ZNF208: variants seen among roughly 807,000 people sequenced by gnomAD.
The protein encoded by ZNF208 is zinc finger protein 208, also known as zinc finger protein 95.
ZNF208 carries 10 observed loss-of-function variants against 12.1 expected under a neutral mutation model. The ratio of observed to expected loss-of-function variants is 0.83; its 90% CI spans 0.51 to 1.40. The LOEUF is 1.40. Ranked by LOEUF, ZNF208 falls within the 40% of genes most tolerant of loss-of-function variation. The probability of loss-of-function intolerance (pLI) is 0.00; values close to 1 mark genes in which losing one functional copy is unlikely to be tolerated. For synonymous variants in ZNF208, 497 were observed against 488.4 expected (o/e 1.02, Z -0.23); for missense variants, 1,652 against 1,485.0 (o/e 1.11, Z -1.85).
intron 1 of ZNF208, among the ~76,000 whole-genome samples, chr19:22,010,095 G>C (rs1009496661): frequency 1.3e-4 from 19 of 151,966 alleles, no homozygotes; most frequent in African/African-American, 4.6e-4. Context: ...TGAGGCAGTG[G>C]AATGGCGTCA....
rs1166226861 is a variant in ZNF208 at position 21,973,612 on chromosome 19, A to G, written c.1422T>C (p.Ile474=). The change falls in exon 4 of 4, where the codon ATT becomes ATC. Residue 474 remains isoleucine, a synonymous_variant. Coordinates refer to ENST00000397126, the MANE Select transcript of ZNF208 (RefSeq NM_007153.3). The part of the protein sequence containing the change: ...MFSILTKHKV[I]HNGEKPYKCE... ...ATTTGTAGGGTTTCTCTCCATTATG[A>G]ATTACCTTATGTTTAGTAAGGATTG... 1 of 1,613,558 alleles carries G rather than the reference A, an allele frequency of 6.2e-7. No homozygotes were observed. Among genetic ancestry groups the G allele is most frequent in the Non-Finnish European group, 8.5e-7 (1 of 1,179,770 alleles).
chr19:22,003,741 A>G (rs543773933), intron 1 of ZNF208, among the ~76,000 whole-genome samples: 1 of 152,288 alleles, frequency 6.6e-6, no homozygotes, highest in African/African-American at 2.4e-5. Flanking sequence ...TAACCTCACA[A>G]TTGGGTATAT....
At position 21,975,851 on chromosome 19, in the gene ZNF208, A is replaced by AAAAAAAAAAAAAAAAAAAAAAAAG. The variant is rs377638519; in HGVS notation, c.227-1045_227-1044insCTTTTTTTTTTTTTTTTTTTTTTT. On this transcript the variant is annotated intron_variant, in intron 3 of 3. Transcript: ENST00000397126. ...AAAAAAAAAAAAAAAAAAAAAAAAA[A>AAAAAAAAAAAAAAAAAAAAAAAAG]GCTATCAAGTGAGAATAATACCATC... 4.4e-5 allele frequency among the ~76,000 whole-genome samples: 4 copies of AAAAAAAAAAAAAAAAAAAAAAAAG among 91,870 alleles called. 1 individual carries two copies. The highest frequency in any genetic ancestry group is 1.8e-4 in the African/African-American group (4 of 21,954). The allele number at this position is 91,870 out of a possible 152,430, so 60.3% of individuals were successfully genotyped here.
At chr19:21,965,995 G>A (rs1285648944), downstream of ZNF208, 1 of 151,782 alleles carries the variant, frequency 6.6e-6, no homozygotes, top group Non-Finnish European at 1.5e-5. Context: ...GAGGAGACCT[G>A]GTATAGAAAC....
intron 3 of ZNF208, among the ~76,000 whole-genome samples, chr19:21,980,877 G>T (rs959813704): frequency 1.4e-4 from 21 of 152,108 alleles, no homozygotes; most frequent in African/African-American, 5.1e-4. Flanking sequence ...TAATAAAGGG[G>T]ACATCACCAC....
At position 21,970,179 on chromosome 19, in the gene ZNF208, G is replaced by A. The variant is rs1392933862; in HGVS notation, c.*1012C>T. Among the ~76,000 whole-genome samples the A allele has an allele frequency of 6.6e-6, 1 of 152,114 alleles. No homozygotes were observed. The highest frequency in any genetic ancestry group is 1.5e-5 in the Non-Finnish European group (1 of 68,004). ...CCAAAAGCATTGTCACATCTTTCAG[G>A]TTTGTAGAGTCTCTCTTGTGTATGA... On this transcript the variant is annotated 3_prime_UTR_variant, in exon 4 of 4. Coordinates refer to ENST00000397126, the MANE Select transcript of ZNF208 (RefSeq NM_007153.3).
chr19:21,956,259 C>T (rs1032026248), intron 4 of ZNF208, among the ~76,000 whole-genome samples: 3 of 152,232 alleles, frequency 2.0e-5, no homozygotes, highest in Non-Finnish European at 4.4e-5. Context: ...TGGGAGGTGT[C>T]TCCCAGTTAG....
rs375118705 is a variant in ZNF208, at chr19:21,988,847, G to A, written c.66C>T (p.Asp22=). Residue 22 remains aspartate (D), a synonymous_variant, in exon 2 of 4, where the codon GAC becomes GAT. Transcript: ENST00000397126. ...EFSLEEWQCL[D]TAQQNLYRNV... is the part of the protein sequence containing the mutation. Reference sequence around the variant, plus strand: ...TTCTATATAAATTCTGCTGTGCAGTGTCCAGGCATTGCCACTCCTCCAGAG... The same window carrying A: ...TTCTATATAAATTCTGCTGTGCAGTATCCAGGCATTGCCACTCCTCCAGAG... The A allele has an allele frequency of 1.2e-5, 20 of 1,614,126 alleles. No homozygotes were observed. Among genetic ancestry groups the A allele is most frequent in the Admixed American group, 1.0e-4 (6 of 60,026 alleles).
chr19:21,996,379 G>GAT (rs1413475460), intron 1 of ZNF208, among the ~76,000 whole-genome samples: 1 of 152,118 alleles, frequency 6.6e-6, no homozygotes, highest in African/African-American at 2.4e-5. Flanking sequence ...TAAGGTTAAG[G>GAT]ATATGGAATA....
At position 21,972,322 on chromosome 19, in the gene ZNF208, A is replaced by G. The variant is rs1335632993; in HGVS notation, c.2712T>C (p.Leu904=). 6.2e-7 allele frequency: 1 copy of G among 1,613,562 alleles called. No homozygotes were observed. The change falls in exon 4 of 4, where the codon CTT becomes CTC. Residue 904 remains leucine (L), a synonymous_variant. Transcript: ENST00000397126. ...CAGTATGAATTACCTCATGTTTAGT[A>G]AGGATGGAGAACATACTAAAACCTT... ...CGKGFSMFSI[L]TKHEVIHTGE...
chr19:21,988,728 A>G lies in ZNF208; in HGVS notation c.130+55T>C, dbSNP rs910331869. ...CGTTGTTCAGTCCAATAAGGTCTGC[A>G]GCAAAATGAAACCTGTAGTGTATAC... is the stretch of plus-strand genomic sequence containing the variant. On this transcript the variant is annotated intron_variant, in intron 2 of 3. Coordinates refer to ENST00000397126, the MANE Select transcript of ZNF208 (RefSeq NM_007153.3). 3 of 1,613,198 alleles carry G rather than the reference A, an allele frequency of 1.9e-6. No homozygotes were observed. In the African/African-American group the frequency reaches 4.0e-5, roughly 22 times the overall value.
At chr19:21,948,312 T>G (rs1969842798) in intron 4 of ZNF208, among the ~76,000 whole-genome samples, 1 of 152,186 alleles carries the variant, frequency 6.6e-6, no homozygotes, top group Non-Finnish European at 1.5e-5. Flanking sequence ...ATTTCAACAC[T>G]ACCCAACAAA....
intron 4 of ZNF208, among the ~76,000 whole-genome samples, chr19:21,944,353 T>C (rs1969785851): frequency 1.3e-5 from 2 of 152,178 alleles, no homozygotes; most frequent in African/African-American, 4.8e-5. Flanking sequence ...ACAGTAGTTG[T>C]CAAAATCATA....
chr19:21,991,837 G>GT (rs1970742669), intron 1 of ZNF208: 1 of 151,706 alleles, frequency 6.6e-6, no homozygotes, highest in Non-Finnish European at 1.5e-5. Flanking sequence ...GAGTTAGAAG[G>GT]TATCACTCAA....
chr19:21,974,681 G>T lies in ZNF208; in HGVS notation c.353C>A (p.Thr118Asn), dbSNP rs754577086. Reference protein sequence around the residue: ...HENLHLKIGYTNVDECKVHKE... With the variant: ...HENLHLKIGYNNVDECKVHKE... ...GTGCACCTTACACTCATCCACATTG[G>T]TATAACCAATTTTTAAGTGTAAATT... Residue 118 changes from threonine (T) to asparagine (N), a missense_variant, in exon 4 of 4, where the codon ACC (threonine) becomes AAC (asparagine). This residue lies in a region of ZNF208 where 410 missense variants were observed against 378.2 expected (regional missense o/e 1.08). Coordinates refer to ENST00000397126, the MANE Select transcript of ZNF208 (RefSeq NM_007153.3). The T allele has an allele frequency of 5.6e-6, 9 of 1,613,476 alleles. No homozygotes were observed. Among genetic ancestry groups the T allele is most frequent in the Non-Finnish European group, 5.9e-6 (7 of 1,179,694 alleles).
downstream of ZNF208, among the ~76,000 whole-genome samples, chr19:21,964,092 T>C (rs1970122377): frequency 6.6e-6 from 1 of 151,952 alleles, no homozygotes; most frequent in African/African-American, 2.4e-5. Flanking sequence ...CATCACACTG[T>C]ATGCCATAAA....
At position 21,971,045 on chromosome 19, in the gene ZNF208, A is replaced by G; in HGVS notation, c.*146T>C. 6 of 1,610,026 alleles carry G rather than the reference A, an allele frequency of 3.7e-6. No homozygotes were observed. In the South Asian group the frequency reaches 6.6e-5, roughly 18 times the overall value. On this transcript the variant is annotated 3_prime_UTR_variant, in exon 4 of 4. Coordinates refer to ENST00000397126, the MANE Select transcript of ZNF208 (RefSeq NM_007153.3). ...TTTGTAGGGTGTCTCTCCAGTATGAATTCTCTTATGTTCCATAAGGTTTGA... is the reference window on the plus strand; with the variant it reads ...TTTGTAGGGTGTCTCTCCAGTATGAGTTCTCTTATGTTCCATAAGGTTTGA...
At position 21,972,033 on chromosome 19, in the gene ZNF208, A is replaced by G; in HGVS notation, c.3001T>C (p.Tyr1001His). 6.2e-7 allele frequency: 1 copy of G among 1,613,878 alleles called. No homozygotes were observed. Residue 1001 changes from tyrosine (Y) to histidine (H), a missense_variant, in exon 4 of 4, where the codon TAC (tyrosine) becomes CAC (histidine). Coordinates refer to ENST00000397126, the MANE Select transcript of ZNF208 (RefSeq NM_007153.3). ...GCTTTGCCACATTCTTCACATTTGTAGGGTTTCTCTCCAGTATGAATTACC... is the reference window on the plus strand; with the variant it reads ...GCTTTGCCACATTCTTCACATTTGTGGGGTTTCTCTCCAGTATGAATTACC... ...HKVIHTGEKP[Y>H]KCEECGKAFN... is the part of the protein sequence containing the mutation.
In ZNF208 at chr19:21,954,580, A is replaced by G. The variant is rs567640916; in HGVS notation, c.305+20149T>C. The stretch of plus-strand genomic sequence containing the variant: ...TTCTTGTTGCATTGATCCCTTTACC[A>G]TTATGTAATGGCCTTCTTTGTCTCT... On this transcript the variant is annotated intron_variant, in intron 4 of 4. Coordinates refer to the ZNF208 transcript ENST00000599916. Among the ~76,000 whole-genome samples the G allele has an allele frequency of 6.6e-5, 10 of 152,288 alleles. No individual in the cohort carries two copies. In the East Asian group the frequency reaches 1.9e-3, roughly 29 times the overall value.
Sources: gnomAD v4.1 joint callset for allele counts (sites outside exome capture counted in the v4.1 genomes callset) on GRCh38, gnomAD v4.1.1 for gene constraint, gnomAD v4.1.1 regional missense constraint, MANE v1.5 for transcripts, NCBI Gene and HGNC (gene_info 2026-07-23, HGNC 2026-07-21) for gene names.